The following KIF13B variants were observed in gnomAD, a reference collection of about 807,000 sequenced individuals.
KIF13B encodes kinesin family member 13B.
Under a neutral mutation model 222.0 loss-of-function variants are expected in KIF13B, and 127 were observed. The observed-to-expected ratio is 0.57, with a 90% CI of 0.50 to 0.66. The LOEUF is 0.66. Among genes scored for constraint, KIF13B ranks in the 30% least tolerant of loss-of-function variants. The pLI, the probability that KIF13B is intolerant of heterozygous loss-of-function variation, is 0.00. For synonymous variants in KIF13B, 976 were observed against 919.0 expected, an observed-to-expected ratio of 1.06 and a Z score of -1.12; for missense variants, 2,173 against 2,379.0, an observed-to-expected ratio of 0.91 and a Z score of 1.80.
At chr8:29,225,586 A>G (rs1051042082) in intron 2 of KIF13B, among the ~76,000 whole-genome samples, 5 of 152,234 alleles carry the variant, frequency 3.3e-5, no homozygotes, top group Non-Finnish European at 7.3e-5. Flanking sequence ...ATTTGTTTTT[A>G]GACTAGACAG....
chr8:29,212,701 A>G (rs1432919964), intron 2 of KIF13B, among the ~76,000 whole-genome samples: 1 of 151,832 alleles, frequency 6.6e-6, no homozygotes, highest in Non-Finnish European at 1.5e-5. Context: ...TGGGTACCTA[A>G]AAGTAGAACA....
intron 25 of KIF13B, among the ~76,000 whole-genome samples, chr8:29,126,838 A>G (rs2129783692): frequency 6.6e-6 from 1 of 152,198 alleles, no homozygotes; most frequent in South Asian, 2.1e-4. Flanking sequence ...GTTTCTCCAG[A>G]GGGGTGGGGT....
intron 2 of KIF13B, among the ~76,000 whole-genome samples, chr8:29,225,366 C>A (rs1019060901): frequency 3.4e-4 from 51 of 152,148 alleles, no homozygotes; most frequent in Non-Finnish European, 6.5e-4. Context: ...TAAGTAACAT[C>A]CTGAGTCAAA....
chr8:29,086,929 C>A (rs1307973280), intron 37 of KIF13B, among the ~76,000 whole-genome samples: 1 of 152,184 alleles, frequency 6.6e-6, no homozygotes, highest in Admixed American at 6.5e-5. Context: ...AAATAAAGCA[C>A]AAGACTCAAA....
At chr8:29,149,744 G>A (rs1347434048) in intron 15 of KIF13B, among the ~76,000 whole-genome samples, 2 of 152,132 alleles carry the variant, frequency 1.3e-5, no homozygotes, top group East Asian at 3.8e-4. Context: ...ACAGAGAGAT[G>A]CCAAGACAGT....
intron 17 of KIF13B, 49 bp downstream of exon 17, chr8:29,147,343 G>A: frequency 1.5e-6 from 2 of 1,372,372 alleles, no homozygotes; most frequent in Non-Finnish European, 1.0e-6. Context: ...GTGTGTTAGA[G>A]GTGGCAAGCC....
intron 24 of KIF13B, among the ~76,000 whole-genome samples, chr8:29,129,108 T>A (rs1208601688): frequency 6.6e-6 from 1 of 152,184 alleles, no homozygotes; most frequent in African/African-American, 2.4e-5. Context: ...TTTCAGAACT[T>A]GCATGATTTT....
intron 29 of KIF13B, among the ~76,000 whole-genome samples, chr8:29,119,234 A>C (rs768337050): frequency 7.2e-5 from 11 of 152,238 alleles, no homozygotes; most frequent in Non-Finnish European, 1.3e-4. Context: ...TAGGGAAGGC[A>C]AATGAAACCA....
intron 36 of KIF13B, among the ~76,000 whole-genome samples, chr8:29,096,606 A>C (rs1808543845): frequency 6.6e-6 from 1 of 152,120 alleles, no homozygotes; most frequent in African/African-American, 2.4e-5. Flanking sequence ...TTTTAAAGCA[A>C]AAAGAATAAC....
At chr8:29,238,672 C>A (rs1815622554) in intron 2 of KIF13B, among the ~76,000 whole-genome samples, 1 of 152,176 alleles carries the variant, frequency 6.6e-6, no homozygotes, top group South Asian at 2.1e-4. Context: ...CAAGAACAGT[C>A]TCTGCCTATT....
chr8:29,216,017 C>G (rs1814463140), intron 2 of KIF13B, among the ~76,000 whole-genome samples: 1 of 152,156 alleles, frequency 6.6e-6, no homozygotes, highest in African/African-American at 2.4e-5. Context: ...ACCTCTTTCC[C>G]AGCGGAGATG....
intron 10 of KIF13B, among the ~76,000 whole-genome samples, chr8:29,168,959 T>C (rs949535880): frequency 1.3e-5 from 2 of 152,068 alleles, no homozygotes; most frequent in African/African-American, 2.4e-5. Flanking sequence ...AACAAAAAGA[T>C]TGAATATACT....
intron 38 of KIF13B, among the ~76,000 whole-genome samples, chr8:29,073,076 G>C (rs1807379480): frequency 7.0e-6 from 1 of 143,076 alleles, no homozygotes; most frequent in South Asian, 2.4e-4. Flanking sequence ...GACGAGGAGG[G>C]GTACGAGGAG....
At chr8:29,083,209 T>C (rs2133511554) in intron 37 of KIF13B, among the ~76,000 whole-genome samples, 1 of 152,286 alleles carries the variant, frequency 6.6e-6, no homozygotes, top group Non-Finnish European at 1.5e-5. Context: ...TCTTAATGAC[T>C]GAAACAAATC....
In KIF13B at chr8:29,146,454, G is replaced by A; in HGVS notation, c.2111C>T (p.Ala704Val). The change falls in exon 18 of 40, where the codon GCT (alanine) becomes GTT (valine). Residue 704 changes from alanine to valine, a missense_variant. Physicochemically the swap from Ala to Val is moderately conservative, Grantham distance 64. This residue lies in a region of KIF13B where 1,480 missense variants were observed against 1,722.8 expected (regional missense o/e 0.86). Transcript: ENST00000524189. ...NLLVREANYI[A>V]EELDKRTEYK... ...TTCTGTTCTTTTATCCAGCTCCTCA[G>A]CAATGTAATTAGCTTCTCTCACCAA... The A allele has an allele frequency of 6.2e-7, 1 of 1,613,706 alleles. No individual in the cohort carries two copies. The highest frequency in any genetic ancestry group is 8.5e-7 in the Non-Finnish European group (1 of 1,179,694).
intron 2 of KIF13B, among the ~76,000 whole-genome samples, chr8:29,228,826 C>A (rs1815156161): frequency 6.6e-6 from 1 of 151,944 alleles, no homozygotes; most frequent in Non-Finnish European, 1.5e-5. Context: ...AGGCCTCAGG[C>A]TCTCACCTAA....
intron 2 of KIF13B, among the ~76,000 whole-genome samples, chr8:29,234,183 T>A (rs1477372760): frequency 6.6e-6 from 1 of 152,044 alleles, no homozygotes; most frequent in Non-Finnish European, 1.5e-5. Context: ...CCAAAATAAC[T>A]GAAAGCAGGG....
At chr8:29,175,231 T>C (rs970945620) in intron 10 of KIF13B, among the ~76,000 whole-genome samples, 2 of 152,172 alleles carry the variant, frequency 1.3e-5, no homozygotes, top group African/African-American at 4.8e-5. Context: ...GATATCCAAC[T>C]CACCACACCA....
intron 1 of KIF13B, among the ~76,000 whole-genome samples, chr8:29,247,964 A>G (rs1440634692): frequency 6.6e-6 from 1 of 152,180 alleles, no homozygotes; most frequent in Non-Finnish European, 1.5e-5. Context: ...CATATCATTC[A>G]ACATTGGAAT....
Sources: gnomAD v4.1 joint callset for allele counts (sites outside exome capture counted in the v4.1 genomes callset) on GRCh38, gnomAD v4.1.1 for gene constraint, gnomAD v4.1.1 regional missense constraint, MANE v1.5 for transcripts, NCBI Gene and HGNC (gene_info 2026-07-23, HGNC 2026-07-21) for gene names.